TOM1L2: variants seen among roughly 807,000 people sequenced by gnomAD.
TOM1L2 encodes TOM1-like protein 2.
In TOM1L2, 31 loss-of-function variants were observed where a neutral mutation model predicts 67.9. The observed-to-expected ratio is 0.46, with a 90% CI of 0.34 to 0.62. The LOEUF (loss-of-function observed/expected upper bound fraction) is 0.62, where lower values mean the gene tolerates loss of function less well. TOM1L2 is among the 20% of genes least tolerant of loss of function. The pLI is 0.01. For missense variants in TOM1L2, 606 were observed against 663.5 expected (o/e 0.91, Z 0.95); for synonymous variants, 256 against 254.0 (o/e 1.01, Z -0.07).
chr17:17,971,922 G>T (rs2042108848), intron 1 of TOM1L2, among the ~76,000 whole-genome samples: 1 of 151,974 alleles, frequency 6.6e-6, no homozygotes, highest in Non-Finnish European at 1.5e-5. Context: ...CTGCCCGTGG[G>T]ATAGCACCGG....
intron 12 of TOM1L2, among the ~76,000 whole-genome samples, chr17:17,855,233 G>C (rs1244823455): frequency 2.6e-5 from 4 of 152,174 alleles, no homozygotes; most frequent in South Asian, 2.1e-4. Flanking sequence ...CCTGCCCAAG[G>C]GGGAGAGGCA....
At chr17:17,899,145 G>T (rs1437200939) in intron 2 of TOM1L2, among the ~76,000 whole-genome samples, 2 of 152,192 alleles carry the variant, frequency 1.3e-5, no homozygotes, top group Non-Finnish European at 2.9e-5. Context: ...CTTGAATTCT[G>T]TATCACATGC....
chr17:17,948,790 G>T lies in TOM1L2; in HGVS notation c.52+23472C>A, dbSNP rs7214002. The stretch of plus-strand genomic sequence containing the variant: ...AGCGGAGTGCCCAGAGCAAGGCAGG[G>T]GTCCTAGGAAGGGCTTGCTTCCCCC... On this transcript the variant is annotated intron_variant, in intron 1 of 14. Transcript: ENST00000379504. 2.0e-5 allele frequency among the ~76,000 whole-genome samples: 3 copies of T among 151,890 alleles called. No individual in the cohort carries two copies. The East Asian group carries it at 5.8e-4, about 30-fold the overall frequency.
intron 1 of TOM1L2, among the ~76,000 whole-genome samples, chr17:17,930,092 C>G (rs536364562): frequency 6.6e-6 from 1 of 152,202 alleles, no homozygotes; most frequent in Non-Finnish European, 1.5e-5. Flanking sequence ...AAAAAAGACA[C>G]TCCATTCTAG....
At chr17:17,893,852 C>G (rs746408032) in intron 3 of TOM1L2, 42 bp from the exon 4 acceptor site, 9 of 1,593,798 alleles carry the variant, frequency 5.6e-6, no homozygotes, top group Non-Finnish European at 6.8e-6. Context: ...CCAGTGGGAG[C>G]TGGAGAAGAC....
chr17:17,847,844 A>G, intron 14 of TOM1L2, 61 bp from the exon 15 acceptor site: 1 of 1,605,874 alleles, frequency 6.2e-7, no homozygotes, highest in South Asian at 1.1e-5. Flanking sequence ...GAGGAAGCGC[A>G]CCCTTCCACT....
intron 2 of TOM1L2, among the ~76,000 whole-genome samples, chr17:17,905,192 G>A (rs1156853820): frequency 6.6e-6 from 1 of 152,194 alleles, no homozygotes; most frequent in East Asian, 1.9e-4. Flanking sequence ...TTTAGCTGGT[G>A]AAAATATGCC....
intron 1 of TOM1L2, among the ~76,000 whole-genome samples, chr17:17,950,141 G>GT (rs1380905706): frequency 1.3e-5 from 2 of 151,890 alleles, no homozygotes; most frequent in Non-Finnish European, 2.9e-5. Flanking sequence ...GATTACAGGT[G>GT]TGAGTCACCA....
At chr17:17,946,651 G>C (rs916529156) in intron 1 of TOM1L2, among the ~76,000 whole-genome samples, 1 of 152,102 alleles carries the variant, frequency 6.6e-6, no homozygotes, top group Non-Finnish European at 1.5e-5. Context: ...CCTAAGCTAG[G>C]CTCATGGGTG....
intron 10 of TOM1L2, among the ~76,000 whole-genome samples, chr17:17,863,840 C>T (rs563560874): frequency 6.6e-6 from 1 of 151,770 alleles, no homozygotes; most frequent in African/African-American, 2.4e-5. Context: ...TGAGCCACCA[C>T]CCCTGGTGGA....
At chr17:17,944,700 C>T (rs1462811275) in intron 1 of TOM1L2, among the ~76,000 whole-genome samples, 1 of 152,194 alleles carries the variant, frequency 6.6e-6, no homozygotes, top group Admixed American at 6.5e-5. Flanking sequence ...ACGTCTCCTA[C>T]AAGGAGAGGT....
chr17:17,889,434 G>A (rs2038161818), intron 4 of TOM1L2, among the ~76,000 whole-genome samples: 1 of 152,132 alleles, frequency 6.6e-6, no homozygotes, highest in Admixed American at 6.5e-5. Context: ...GGCACAGGGG[G>A]ACTTTGGAAA....
intron 4 of TOM1L2, among the ~76,000 whole-genome samples, chr17:17,891,939 T>G (rs2038307258): frequency 6.6e-6 from 1 of 151,814 alleles, no homozygotes; most frequent in Non-Finnish European, 1.5e-5. Context: ...ATTCACTCAT[T>G]CATTATAAAG....
At chr17:17,868,132 A>G (rs1045502199) in intron 8 of TOM1L2, among the ~76,000 whole-genome samples, 2 of 152,204 alleles carry the variant, frequency 1.3e-5, no homozygotes, top group Non-Finnish European at 2.9e-5. Flanking sequence ...TTTACCATGG[A>G]GAAACTGGAA....
At chr17:17,950,034 C>T (rs2041128391) in intron 1 of TOM1L2, among the ~76,000 whole-genome samples, 1 of 151,996 alleles carries the variant, frequency 6.6e-6, no homozygotes, top group African/African-American at 2.4e-5. Context: ...CCATGCCTGG[C>T]TAATTTTTTT....
intron 1 of TOM1L2, among the ~76,000 whole-genome samples, chr17:17,916,906 C>T (rs1163016641): frequency 6.6e-6 from 1 of 152,108 alleles, no homozygotes; most frequent in Non-Finnish European, 1.5e-5. Flanking sequence ...ACCTGTAATC[C>T]CAGCATTTTG....
intron 1 of TOM1L2, among the ~76,000 whole-genome samples, chr17:17,908,665 G>A (rs1295483111): frequency 6.6e-6 from 1 of 152,096 alleles, no homozygotes; most frequent in East Asian, 1.9e-4. Context: ...ATATATAAAT[G>A]ACTAACAAGT....
At chr17:17,860,349 CA>C (rs1346380051) in intron 12 of TOM1L2, among the ~76,000 whole-genome samples, 1 of 152,226 alleles carries the variant, frequency 6.6e-6, no homozygotes, top group Non-Finnish European at 1.5e-5. Context: ...TGTGGAAAGG[CA>C]CGGCACTGAG....
At position 17,878,962 on chromosome 17, in the gene TOM1L2, G is replaced by C. The variant is rs949020155; in HGVS notation, c.777+665C>G. Reference sequence around the variant, plus strand: ...GGTGGGGGCCTTGACCCTGGTTTCAGGGGTAGACTGCAGGCCGCCCACTCC... The same window carrying C: ...GGTGGGGGCCTTGACCCTGGTTTCACGGGTAGACTGCAGGCCGCCCACTCC... On this transcript the variant is annotated intron_variant, in intron 7 of 14. Coordinates refer to ENST00000379504, the MANE Select transcript of TOM1L2 (RefSeq NM_001082968.2). 2.6e-5 allele frequency among the ~76,000 whole-genome samples: 4 copies of C among 152,346 alleles called. No individual in the cohort carries two copies. The South Asian group carries it at 8.3e-4, about 32-fold the overall frequency.
Sources: allele counts gnomAD v4.1 joint callset (sites outside exome capture counted in the v4.1 genomes callset), GRCh38; gene constraint gnomAD v4.1.1; transcripts MANE v1.5; gene names NCBI Gene and HGNC (gene_info 2026-07-23, HGNC 2026-07-21).